GBP7: variants seen among roughly 807,000 people sequenced by gnomAD.
The protein encoded by GBP7 is guanylate-binding protein 7.
GBP7 carries 43 observed loss-of-function variants against 61.3 expected under a neutral mutation model. The observed-to-expected ratio is 0.70, with a 90% CI of 0.55 to 0.91. The LOEUF (loss-of-function observed/expected upper bound fraction) is 0.91, where lower values mean the gene tolerates loss of function less well. Among genes scored for constraint, GBP7 ranks in the 40% least tolerant of loss-of-function variants. The probability of loss-of-function intolerance (pLI) is 0.00; values close to 1 mark genes in which losing one functional copy is unlikely to be tolerated. For missense variants in GBP7, 717 were observed against 740.5 expected (o/e 0.97, Z 0.37); for synonymous variants, 267 against 271.0 (o/e 0.99, Z 0.14).
chr1:89,157,380 C>T (rs1682340254), intron 3 of GBP7, among the ~76,000 whole-genome samples: 1 of 151,890 alleles, frequency 6.6e-6, no homozygotes, highest in Non-Finnish European at 1.5e-5. Context: ...GAGATAGAGA[C>T]ACAAAAAAAC....
chr1:89,175,072 T>C (rs888097532), intron 1 of GBP7, among the ~76,000 whole-genome samples: 1 of 152,172 alleles, frequency 6.6e-6, no homozygotes, highest in Non-Finnish European at 1.5e-5. Context: ...GTTTTTAAGT[T>C]GAATGTCTCA....
intron 8 of GBP7, among the ~76,000 whole-genome samples, chr1:89,145,772 A>G (rs1682048659): frequency 6.6e-6 from 1 of 152,216 alleles, no homozygotes. Context: ...AAGAGGTAAA[A>G]GATTTGTACT....
At chr1:89,159,861 GTA>G (rs1196712331) in intron 3 of GBP7, among the ~76,000 whole-genome samples, 46 of 152,258 alleles carry the variant, frequency 3.0e-4, no homozygotes, top group Non-Finnish European at 1.2e-4. Context: ...CTATTACTGG[GTA>G]TACACCCAAA....
intron 8 of GBP7, among the ~76,000 whole-genome samples, chr1:89,146,859 A>C (rs1484659169): frequency 6.6e-6 from 1 of 152,220 alleles, no homozygotes; most frequent in Non-Finnish European, 1.5e-5. Flanking sequence ...ATAGGAAAGT[A>C]AATTAGTATA....
intron 8 of GBP7, among the ~76,000 whole-genome samples, chr1:89,143,424 T>G (rs1337194686): frequency 1.3e-5 from 2 of 152,222 alleles, no homozygotes; most frequent in Non-Finnish European, 2.9e-5. Flanking sequence ...CTATTTATTT[T>G]TATCTGATCT....
At chr1:89,152,864 C>G (rs1248935360) in intron 3 of GBP7, 87 bp from the exon 4 acceptor site, 2 of 1,014,706 alleles carry the variant, frequency 2.0e-6, no homozygotes, top group East Asian at 2.6e-5. Context: ...GTAACCAAAA[C>G]TGAAGTCATT....
At chr1:89,141,747 A>C (rs1438821451) in intron 8 of GBP7, 99 bp from the exon 9 acceptor site, 3 of 880,294 alleles carry the variant, frequency 3.4e-6, no homozygotes, top group Non-Finnish European at 5.6e-6. Context: ...CTAACCTTGT[A>C]AACTTCACAT....
At chr1:89,146,089 G>A (rs951444999) in intron 8 of GBP7, among the ~76,000 whole-genome samples, 2 of 152,162 alleles carry the variant, frequency 1.3e-5, no homozygotes, top group Non-Finnish European at 2.9e-5. Context: ...GTAGTGTAAT[G>A]CTGGCATAAA....
chr1:89,138,897 T>A (rs1681872725), intron 9 of GBP7, among the ~76,000 whole-genome samples: 2 of 152,014 alleles, frequency 1.3e-5, no homozygotes, highest in African/African-American at 4.8e-5. Flanking sequence ...ACAGACAACC[T>A]ACAGAATGGG....
intron 6 of GBP7, 72 bp from the exon 7 acceptor site, chr1:89,149,644 G>T: frequency 1.5e-6 from 2 of 1,311,334 alleles, no homozygotes; most frequent in Admixed American, 2.5e-5. Context: ...GTATGTATCA[G>T]CATTCTAAAA....
In GBP7 at chr1:89,139,599, GA is replaced by G. The variant is rs1432722088; in HGVS notation, c.1468+1946del. Among the ~76,000 whole-genome samples the G allele has an allele frequency of 7.2e-5, 11 of 152,034 alleles. No homozygotes were observed. The South Asian group carries it at 1.9e-3, about 26-fold the overall frequency. ...ACAATGAACTCAAACAAATTCACAAGAAAAAAACAACCCCATCAAAAAGTGG... is the reference window on the plus strand; with the variant it reads ...ACAATGAACTCAAACAAATTCACAAGAAAAAACAACCCCATCAAAAAGTGG... On this transcript the variant is annotated intron_variant, in intron 9 of 10. Coordinates refer to ENST00000294671, the MANE Select transcript of GBP7 (RefSeq NM_207398.3).
At chr1:89,141,204 GGAAA>G (rs1387349688) in intron 9 of GBP7, among the ~76,000 whole-genome samples, 6 of 146,826 alleles carry the variant, frequency 4.1e-5, no homozygotes, top group Non-Finnish European at 9.0e-5. Context: ...AATAAAAGTT[GGAAA>G]GAAAAAAAAA....
At chr1:89,155,604 A>T (rs1206669803) in intron 3 of GBP7, among the ~76,000 whole-genome samples, 2 of 152,190 alleles carry the variant, frequency 1.3e-5, no homozygotes, top group African/African-American at 4.8e-5. Flanking sequence ...AGAAAGGGTA[A>T]CAGTGATTGA....
At chr1:89,174,069 A>C (rs1647673461) in intron 1 of GBP7, among the ~76,000 whole-genome samples, 1 of 152,192 alleles carries the variant, frequency 6.6e-6, no homozygotes, top group African/African-American at 2.4e-5. Context: ...CTGTTCATAG[A>C]AAGCTTTTAA....
chr1:89,166,363 C>T (rs1647442086), intron 2 of GBP7, among the ~76,000 whole-genome samples: 1 of 152,150 alleles, frequency 6.6e-6, no homozygotes, highest in African/African-American at 2.4e-5. Context: ...GTTGAAATGG[C>T]TTCCAGGAGT....
At chr1:89,155,067 C>T (rs191247167) in intron 3 of GBP7, among the ~76,000 whole-genome samples, 50 of 152,348 alleles carry the variant, frequency 3.3e-4, no homozygotes, top group African/African-American at 1.2e-3. Context: ...GCAGCCTCCA[C>T]TGGTGATACC....
At position 89,147,783 on chromosome 1, in the gene GBP7, C is replaced by CA; in HGVS notation, c.1153-5_1153-4insT. On this transcript the variant is annotated splice_polypyrimidine_tract_variant and splice_region_variant and intron_variant, in intron 7 of 10. Coordinates refer to ENST00000294671, the MANE Select transcript of GBP7 (RefSeq NM_207398.3). ...CCTTCTTTTTCTCCATGGTGTCCTG[C>CA]CAGAAAAGTGTAGGGAAAAACAGTA... 1.2e-6 allele frequency: 2 copies of CA among 1,613,626 alleles called. No homozygotes were observed. Among genetic ancestry groups the CA allele is most frequent in the Non-Finnish European group, 1.7e-6 (2 of 1,179,822 alleles).
intron 9 of GBP7, among the ~76,000 whole-genome samples, chr1:89,141,045 A>G (rs1177211477): frequency 6.6e-6 from 1 of 152,174 alleles, no homozygotes; most frequent in East Asian, 1.9e-4. Flanking sequence ...GACCTACTTG[A>G]GGGTGGAGGA....
chr1:89,139,932 C>T (rs909748078), intron 9 of GBP7, among the ~76,000 whole-genome samples: 9 of 152,080 alleles, frequency 5.9e-5, no homozygotes, highest in African/African-American at 2.2e-4. Context: ...CCCAGCCATC[C>T]CATTACTGGG....
Sources: allele counts gnomAD v4.1 joint callset (sites outside exome capture counted in the v4.1 genomes callset), GRCh38; gene constraint gnomAD v4.1.1; transcripts MANE v1.5; gene names NCBI Gene and HGNC (gene_info 2026-07-23, HGNC 2026-07-21).